Variants in VPS13D observed in about 807,000 individuals in gnomAD.
The protein encoded by VPS13D is vacuolar protein sorting 13 homolog D.
VPS13D carries 187 observed loss-of-function variants against 461.9 expected under a neutral mutation model. The observed-to-expected ratio is 0.40, with a 90% CI of 0.36 to 0.46. The LOEUF (loss-of-function observed/expected upper bound fraction) is 0.46. Ranked by LOEUF, VPS13D falls within the 20% of genes least tolerant of loss-of-function variation. The probability of loss-of-function intolerance (pLI) is 0.60; values close to 1 mark genes in which losing one functional copy is unlikely to be tolerated. For missense variants in VPS13D, 4,711 were observed against 5,364.9 expected (o/e 0.88, Z 3.81); for synonymous variants, 1,951 against 1,986.3 (o/e 0.98, Z 0.47).
At chr1:12,239,572 G>T (rs1640277501) in intron 2 of VPS13D, among the ~76,000 whole-genome samples, 1 of 152,246 alleles carries the variant, frequency 6.6e-6, no homozygotes, top group Non-Finnish European at 1.5e-5. Flanking sequence ...GAAGGTAGAG[G>T]CTGCCAGTGC....
Position 12,276,560 on chromosome 1 carries a change from C to T in VPS13D, c.2972C>T (p.Pro991Leu), listed in dbSNP as rs1261640834. Residue 991 changes from proline to leucine, a missense_variant, in exon 19 of 70, where the codon CCT (proline) becomes CTT (leucine). Around this residue, in one of 3 missense-constraint regions of VPS13D, gnomAD observed 4,411 missense variants for 4,937.8 expected, o/e 0.89. Coordinates refer to ENST00000620676, the MANE Select transcript of VPS13D (RefSeq NM_015378.4). This position sits in a 1 kb window ranked among gnomAD's most constrained non-coding sequence, Gnocchi z 4.5. The stretch of plus-strand genomic sequence containing the variant: ...ACCAATGCTCACTTTGTGAAGAGGC[C>T]TTATGATGCTGAAGTCTCCCTAACT... ...FGTNAHFVKR[P>L]YDAEVSLTVH... 4 of 1,614,178 alleles carry T rather than the reference C, an allele frequency of 2.5e-6. No homozygotes were observed. The highest frequency in any genetic ancestry group is 3.4e-6 in the Non-Finnish European group (4 of 1,180,036).
At chr1:12,353,860 A>G in intron 46 of VPS13D, 114 bp from the exon 47 acceptor site, 15 of 1,106,858 alleles carry the variant, frequency 1.4e-5, no homozygotes, top group Non-Finnish European at 1.9e-5. Flanking sequence ...AAAACTGCAA[A>G]TAATTTTACT....
In VPS13D at chr1:12,299,918, CT is replaced by C. The variant is rs1228168128; in HGVS notation, c.6216+538del. Among the ~76,000 whole-genome samples the C allele has an allele frequency of 1.4e-5, 2 of 141,776 alleles. No individual in the cohort carries two copies. Among genetic ancestry groups the C allele is most frequent in the Non-Finnish European group, 3.1e-5 (2 of 65,142 alleles). 93.0% of individuals were successfully genotyped at this position (141,776 alleles called of 152,430 possible). ...TGTGGCACCTTTTTTTTTTTTTCAA[CT>C]TTTGTTTTAGATACAGGGGGTACAT... On this transcript the variant is annotated intron_variant, in intron 25 of 69. Coordinates refer to ENST00000620676, the MANE Select transcript of VPS13D (RefSeq NM_015378.4). This position sits in a 1 kb window ranked among gnomAD's most constrained non-coding sequence, Gnocchi z 4.2.
intron 21 of VPS13D, among the ~76,000 whole-genome samples, chr1:12,287,004 A>G (rs1169360513): frequency 6.6e-6 from 1 of 152,044 alleles, no homozygotes. Flanking sequence ...GGAATTACAG[A>G]CACCTGCCAC....
intron 67 of VPS13D, among the ~76,000 whole-genome samples, chr1:12,472,706 C>T (rs924337406): frequency 1.3e-5 from 2 of 152,148 alleles, no homozygotes; most frequent in African/African-American, 4.8e-5. Flanking sequence ...ATCAGAAGTC[C>T]TATAATTTAG....
At chr1:12,308,116 C>T (rs568844693) in intron 26 of VPS13D, among the ~76,000 whole-genome samples, 76 of 152,278 alleles carry the variant, frequency 5.0e-4, no homozygotes, top group African/African-American at 1.7e-3. Flanking sequence ...AGTCAGATTT[C>T]GTCATCAATC....
chr1:12,396,023 A>ATATATATATATATATATT (rs1644493269), intron 60 of VPS13D, among the ~76,000 whole-genome samples: 1 of 136,526 alleles, frequency 7.3e-6, no homozygotes, highest in Non-Finnish European at 1.5e-5. Flanking sequence ...ATATATATAT[A>ATATATATATATATATATT]TATATAGTTC....
At chr1:12,382,421 C>T (rs775445364) in intron 57 of VPS13D, among the ~76,000 whole-genome samples, 1 of 152,042 alleles carries the variant, frequency 6.6e-6, no homozygotes, top group African/African-American at 2.4e-5. Flanking sequence ...CTTTTAACAG[C>T]CTGAATAACT....
Position 12,481,143 on chromosome 1 carries a change from G to T in VPS13D, c.12663-16357G>T, listed in dbSNP as rs368978928. Among the ~76,000 whole-genome samples the T allele has an allele frequency of 2.6e-4, 39 of 152,254 alleles. 4 individuals carry two copies. Among genetic ancestry groups the T allele is most frequent in the Admixed American group, 1.9e-3 (29 of 15,302 alleles). Reference sequence around the variant, plus strand: ...GAGAAGCATGACAGGAAGTGGTGCTGTTGCCTCTGCATTGGCCGACTCCTG... The same window carrying T: ...GAGAAGCATGACAGGAAGTGGTGCTTTTGCCTCTGCATTGGCCGACTCCTG... On this transcript the variant is annotated intron_variant, in intron 67 of 69. Coordinates refer to ENST00000620676, the MANE Select transcript of VPS13D (RefSeq NM_015378.4).
intron 10 of VPS13D, 95 bp from the exon 11 acceptor site, chr1:12,260,598 G>C (rs1641075953): frequency 2.0e-6 from 2 of 1,016,456 alleles, no homozygotes; most frequent in Non-Finnish European, 3.1e-6. Flanking sequence ...AGAGGTTTCT[G>C]TGCTTTACTT....
At chr1:12,446,152 C>T (rs1227257358) in intron 65 of VPS13D, among the ~76,000 whole-genome samples, 2 of 152,158 alleles carry the variant, frequency 1.3e-5, no homozygotes, top group African/African-American at 4.8e-5. Context: ...CATGGTGGCT[C>T]ACACCTGTAA....
At chr1:12,496,081 TG>T in intron 67 of VPS13D, among the ~76,000 whole-genome samples, 2 of 152,336 alleles carry the variant, frequency 1.3e-5, no homozygotes, top group Admixed American at 1.3e-4. Flanking sequence ...AAATTGAGAC[TG>T]GCGGGGTATG....
intron 61 of VPS13D, among the ~76,000 whole-genome samples, chr1:12,400,842 A>G (rs959822025): frequency 6.6e-6 from 1 of 152,048 alleles, no homozygotes; most frequent in African/African-American, 2.4e-5. Context: ...GGTCCCAACT[A>G]CTTACTTAGC....
chr1:12,243,423 G>T (rs1557659718), intron 3 of VPS13D, among the ~76,000 whole-genome samples: 1 of 152,144 alleles, frequency 6.6e-6, no homozygotes, highest in Non-Finnish European at 1.5e-5. Flanking sequence ...ATACAGCTGC[G>T]TGCCACCAAG....
rs201128931 is a variant in VPS13D, at chr1:12,356,528, A to C, written c.9998+4A>C. On this transcript the variant is annotated splice_donor_region_variant and intron_variant, in intron 49 of 69. Transcript: ENST00000620676. ...CTGACAAAGAGCAGCCAAACCTGTG[A>C]GTACAGTTATTTATGGGAAGGGGAA... 233 of 1,611,132 alleles carry C rather than the reference A, an allele frequency of 1.4e-4. No individual in the cohort carries two copies. The highest frequency in any genetic ancestry group is 1.9e-4 in the Non-Finnish European group (227 of 1,178,954).
chr1:12,483,488 T>G (rs906426435), intron 67 of VPS13D, among the ~76,000 whole-genome samples: 2 of 151,572 alleles, frequency 1.3e-5, no homozygotes, highest in Admixed American at 6.6e-5. Flanking sequence ...TAGTGTGTGG[T>G]TTTTTTTTAA....
chr1:12,254,470 A>G (rs1640845082), intron 7 of VPS13D, among the ~76,000 whole-genome samples: 1 of 150,456 alleles, frequency 6.6e-6, no homozygotes. Context: ...GTCATAAATC[A>G]TCAGATATAT....
At chr1:12,302,407 A>G (rs569725570) in intron 25 of VPS13D, among the ~76,000 whole-genome samples, 2 of 152,322 alleles carry the variant, frequency 1.3e-5, no homozygotes, top group Non-Finnish European at 1.5e-5. Context: ...AGATATATCT[A>G]TGTATGGGTT....
intron 66 of VPS13D, among the ~76,000 whole-genome samples, chr1:12,457,624 A>G (rs1013736569): frequency 6.6e-6 from 1 of 152,242 alleles, no homozygotes; most frequent in Non-Finnish European, 1.5e-5. Flanking sequence ...AGTATTAATT[A>G]TCTGCATTTG....
Sources: allele counts gnomAD v4.1 joint callset (sites outside exome capture counted in the v4.1 genomes callset), GRCh38; gene constraint gnomAD v4.1.1; regional missense constraint gnomAD v4.1.1; non-coding constraint Gnocchi (gnomAD v3.1); transcripts MANE v1.5; gene names NCBI Gene and HGNC (gene_info 2026-07-23, HGNC 2026-07-21).